Variants in CTNNA2 observed in about 807,000 individuals in gnomAD.
CTNNA2 encodes catenin alpha-2.
A neutral mutation model predicts 101.0 loss-of-function variants in CTNNA2; 42 were observed. That is an observed-to-expected ratio of 0.42 (90% CI 0.32 to 0.54). CTNNA2 has a LOEUF of 0.54. Among genes scored for constraint, CTNNA2 ranks in the 20% least tolerant of loss-of-function variants. The pLI is 0.14. For missense variants in CTNNA2, 871 were observed against 1,223.1 expected, an observed-to-expected ratio of 0.71 and a Z score of 4.29; for synonymous variants, 450 against 456.4, an observed-to-expected ratio of 0.99 and a Z score of 0.18.
chr2:79,487,122 T>C (rs1671165870), intron 4 of CTNNA2, among the ~76,000 whole-genome samples: 1 of 152,208 alleles, frequency 6.6e-6, no homozygotes, highest in South Asian at 2.1e-4. Flanking sequence ...TGCATTAACA[T>C]GTAACCATCT....
At chr2:80,144,598 C>T (rs983673524) in intron 7 of CTNNA2, among the ~76,000 whole-genome samples, 1 of 152,262 alleles carries the variant, frequency 6.6e-6, no homozygotes, top group Non-Finnish European at 1.5e-5. Context: ...CTGTCTCTTA[C>T]TCTTTATTTG....
At chr2:80,041,927 TA>T (rs2104274309) in intron 7 of CTNNA2, among the ~76,000 whole-genome samples, 2 of 152,286 alleles carry the variant, frequency 1.3e-5, no homozygotes, top group African/African-American at 4.8e-5. Flanking sequence ...CAGCAGTTGA[TA>T]ATCTAGTAGC....
intron 9 of CTNNA2, among the ~76,000 whole-genome samples, chr2:80,514,570 GA>G (rs1397604651): frequency 2.0e-5 from 3 of 152,144 alleles, no homozygotes; most frequent in Non-Finnish European, 2.9e-5. Context: ...TAGATGTGGG[GA>G]ATTTTATTTA....
rs572200814 is a variant in CTNNA2 at position 80,140,276 on chromosome 2, C to T, written c.1056+230479C>T. On this transcript the variant is annotated intron_variant, in intron 7 of 18. Coordinates refer to ENST00000402739, the MANE Select transcript of CTNNA2 (RefSeq NM_001282597.3). ...CAATTGACTTTTAAAACCTTTGGTC[C>T]TTCAAAGTCCATTTGGTATACTTTT... is the stretch of plus-strand genomic sequence containing the variant. Among the ~76,000 whole-genome samples the T allele has an allele frequency of 1.3e-3, 198 of 152,224 alleles. 2 individuals are homozygous for T. Among genetic ancestry groups the T allele is most frequent in the African/African-American group, 4.6e-3 (191 of 41,554 alleles).
At chr2:80,097,905 A>T (rs903632601) in intron 7 of CTNNA2, among the ~76,000 whole-genome samples, 7 of 151,540 alleles carry the variant, frequency 4.6e-5, no homozygotes, top group African/African-American at 1.7e-4. Flanking sequence ...TTAGCCATGC[A>T]CCTAATTTTT....
chr2:80,479,600 G>A (rs1685993136), intron 9 of CTNNA2, among the ~76,000 whole-genome samples: 1 of 152,012 alleles, frequency 6.6e-6, no homozygotes, highest in Non-Finnish European at 1.5e-5. Flanking sequence ...TATTTTTGTA[G>A]GGCTCTTGGA....
At chr2:80,556,886 C>T (rs1693087342) in intron 12 of CTNNA2, among the ~76,000 whole-genome samples, 1 of 152,156 alleles carries the variant, frequency 6.6e-6, no homozygotes, top group Admixed American at 6.6e-5. Flanking sequence ...TGCCTATGAG[C>T]TTTGGATGCC....
intron 7 of CTNNA2, among the ~76,000 whole-genome samples, chr2:80,037,002 T>G (rs1030551656): frequency 6.6e-6 from 1 of 151,880 alleles, no homozygotes; most frequent in Non-Finnish European, 1.5e-5. Context: ...GAAAGTTTCG[T>G]TGTAGATATT....
At chr2:80,055,685 A>C (rs1697172464) in intron 7 of CTNNA2, among the ~76,000 whole-genome samples, 1 of 151,758 alleles carries the variant, frequency 6.6e-6, no homozygotes, top group Non-Finnish European at 1.5e-5. Flanking sequence ...CTGAGAGTAC[A>C]CTCTCCAGTT....
Position 80,613,654 on chromosome 2 carries a change from G to A in CTNNA2, c.2430+5336G>A, listed in dbSNP as rs535330015. ...TAAAAAAAATCAGTTATTCATTGAT[G>A]GAATTAAAGCAGTTGGTTATCTAAC... On this transcript the variant is annotated intron_variant, in intron 17 of 18. Coordinates refer to ENST00000402739, the MANE Select transcript of CTNNA2 (RefSeq NM_001282597.3). 3.9e-3 allele frequency among the ~76,000 whole-genome samples: 596 copies of A among 151,384 alleles called. 2 individuals carry two copies. Among genetic ancestry groups the A allele is most frequent in the African/African-American group, 0.014 (568 of 41,398 alleles).
In CTNNA2 at chr2:80,425,532, G is replaced by A. The variant is rs765752913; in HGVS notation, c.1290+5931G>A. On this transcript the variant is annotated intron_variant, in intron 9 of 18. Transcript: ENST00000402739. ...ACAACCTTCCAATCCTTCCCAGGGC[G>A]CCTTTGATCTCTGTTTGAAAACCTC... is the stretch of plus-strand genomic sequence containing the variant. Among the ~76,000 whole-genome samples the A allele has an allele frequency of 3.3e-5, 5 of 152,050 alleles. No homozygotes were observed. The South Asian group carries it at 6.2e-4, about 19-fold the overall frequency.
intron 12 of CTNNA2, among the ~76,000 whole-genome samples, chr2:80,569,336 C>A (rs1694348808): frequency 6.6e-6 from 1 of 152,078 alleles, no homozygotes; most frequent in Non-Finnish European, 1.5e-5. Context: ...AGAAATATAG[C>A]TAGAATTCAA....
intron 18 of CTNNA2, among the ~76,000 whole-genome samples, chr2:80,635,294 A>G (rs1672762313): frequency 6.6e-6 from 1 of 152,192 alleles, no homozygotes; most frequent in Non-Finnish European, 1.5e-5. Flanking sequence ...CAACTCAAAA[A>G]ATATTTTAAA....
At chr2:80,084,453 C>G (rs1699323424) in intron 7 of CTNNA2, among the ~76,000 whole-genome samples, 1 of 152,090 alleles carries the variant, frequency 6.6e-6, no homozygotes, top group Non-Finnish European at 1.5e-5. Context: ...CCAAATCTCT[C>G]TTTTAGGATG....
intron 7 of CTNNA2, among the ~76,000 whole-genome samples, chr2:80,107,076 G>T (rs950270918): frequency 6.6e-5 from 10 of 152,120 alleles, no homozygotes; most frequent in Non-Finnish European, 1.0e-4. Flanking sequence ...TGTTGATAGA[G>T]ACAGAAGGCA....
intron 7 of CTNNA2, among the ~76,000 whole-genome samples, chr2:79,981,588 G>C (rs758631421): frequency 3.9e-5 from 6 of 152,060 alleles, no homozygotes; most frequent in Non-Finnish European, 8.8e-5. Flanking sequence ...ATGTATTCCA[G>C]AAGACAGTTG....
intron 2 of CTNNA2, among the ~76,000 whole-genome samples, chr2:79,206,881 G>A (rs912325542): frequency 7.2e-5 from 11 of 152,122 alleles, no homozygotes; most frequent in Admixed American, 2.6e-4. Flanking sequence ...TACTCCTGAA[G>A]GCCACTCTAA....
intron 7 of CTNNA2, among the ~76,000 whole-genome samples, chr2:80,355,572 A>G (rs576642944): frequency 3.2e-4 from 49 of 152,208 alleles, no homozygotes; most frequent in African/African-American, 1.1e-3. Flanking sequence ...GCCGCTCTTT[A>G]TTGGGTTTTG....
At chr2:79,877,246 G>A (rs1448404738) in intron 6 of CTNNA2, among the ~76,000 whole-genome samples, 2 of 151,990 alleles carry the variant, frequency 1.3e-5, no homozygotes, top group African/African-American at 4.8e-5. Context: ...TGTCTGAATT[G>A]CAGTTTTGAA....
Sources: gnomAD v4.1 joint callset for allele counts (sites outside exome capture counted in the v4.1 genomes callset) on GRCh38, gnomAD v4.1.1 for gene constraint, MANE v1.5 for transcripts, NCBI Gene and HGNC (gene_info 2026-07-23, HGNC 2026-07-21) for gene names.